KIRREL1: variants seen among roughly 807,000 people sequenced by gnomAD.
The protein encoded by KIRREL1 is kirre like nephrin family adhesion molecule 1.
KIRREL1 carries 25 observed loss-of-function variants against 83.3 expected under a neutral mutation model. That is an observed-to-expected ratio of 0.30 (90% CI 0.22 to 0.42). KIRREL1 has a LOEUF of 0.42. Ranked by LOEUF, KIRREL1 falls within the 10% of genes least tolerant of loss-of-function variation. The pLI, the probability that KIRREL1 is intolerant of heterozygous loss-of-function variation, is 1.00. For missense variants in KIRREL1, 812 were observed against 1,032.3 expected (o/e 0.79, Z 2.92); for synonymous variants, 388 against 410.4 (o/e 0.95, Z 0.66).
At chr1:158,012,247 A>G (rs1431463921) in intron 1 of KIRREL1, among the ~76,000 whole-genome samples, 1 of 152,082 alleles carries the variant, frequency 6.6e-6, no homozygotes, top group Non-Finnish European at 1.5e-5. Flanking sequence ...TGGTTTATTC[A>G]GTAGTAAAAT....
chr1:158,040,092 T>A (rs10796990), intron 1 of KIRREL1, among the ~76,000 whole-genome samples: 10 of 152,104 alleles, frequency 6.6e-5, no homozygotes, highest in East Asian at 1.9e-4. Context: ...AAATTGTTGC[T>A]TTCCTTCATT....
chr1:158,095,177 G>C lies in KIRREL1; in HGVS notation c.*57G>C, dbSNP rs955754789. On this transcript the variant is annotated 3_prime_UTR_variant, in exon 15 of 15. Transcript: ENST00000359209. ...GGCAGAGGAGAAGGCTTTCACAGCT[G>C]TTCCCTGATATTCAGGGGCATTGCT... The C allele has an allele frequency of 2.4e-6, 3 of 1,245,360 alleles. No homozygotes were observed. Among genetic ancestry groups the C allele is most frequent in the African/African-American group, 1.5e-5 (1 of 67,200 alleles). The allele number at this position is 1,245,360 out of a possible 1,614,324, so 77.1% of individuals were successfully genotyped here. A position where few individuals can be genotyped will look rare whatever the true frequency, so the allele number is the denominator to read the frequency against.
At chr1:158,090,035 A>G (rs1189070525) in intron 10 of KIRREL1, among the ~76,000 whole-genome samples, 1 of 151,710 alleles carries the variant, frequency 6.6e-6, no homozygotes, top group African/African-American at 2.4e-5. Context: ...AATGTTTTGA[A>G]CCTCGGTTTA....
At chr1:158,021,693 T>C (rs1290163352) in intron 1 of KIRREL1, among the ~76,000 whole-genome samples, 2 of 152,204 alleles carry the variant, frequency 1.3e-5, no homozygotes, top group Non-Finnish European at 2.9e-5. Context: ...TCAGTCTCCC[T>C]CCCTTTCCTG....
intron 1 of KIRREL1, among the ~76,000 whole-genome samples, chr1:158,011,458 A>C (rs996508291): frequency 6.6e-6 from 1 of 152,212 alleles, no homozygotes; most frequent in African/African-American, 2.4e-5. Context: ...GGAAGCTGGG[A>C]GAAGCCTAGC....
At chr1:158,007,701 C>T (rs1320489) in intron 1 of KIRREL1, among the ~76,000 whole-genome samples, 35,747 of 151,666 alleles carry the variant, frequency 0.24, 5,618 homozygotes, top group Non-Finnish European at 0.35. Context: ...TTGTGGGCAG[C>T]CTGGGTTTGC....
At chr1:157,996,436 G>C (rs568833385) in intron 1 of KIRREL1, among the ~76,000 whole-genome samples, 1 of 152,050 alleles carries the variant, frequency 6.6e-6, no homozygotes, top group Non-Finnish European at 1.5e-5. Flanking sequence ...AGGCCGGCTC[G>C]GGGAGGGAGC....
chr1:158,071,571 C>G (rs926794176), intron 1 of KIRREL1, among the ~76,000 whole-genome samples: 2 of 152,234 alleles, frequency 1.3e-5, no homozygotes, highest in Admixed American at 1.3e-4. Context: ...GAATTTGACC[C>G]AGCAATGGTC....
chr1:158,050,557 G>A (rs955050950), intron 1 of KIRREL1, among the ~76,000 whole-genome samples: 2 of 152,126 alleles, frequency 1.3e-5, no homozygotes, highest in Non-Finnish European at 2.9e-5. Context: ...ATTAGAATGT[G>A]CCCATTAAAG....
intron 1 of KIRREL1, among the ~76,000 whole-genome samples, chr1:158,038,779 T>C (rs1375120784): frequency 6.6e-6 from 1 of 152,140 alleles, no homozygotes; most frequent in Non-Finnish European, 1.5e-5. Context: ...AAAGAAACAG[T>C]AGACTTGCCC....
At position 158,080,951 on chromosome 1, in the gene KIRREL1, C is replaced by T. The variant is rs759482369; in HGVS notation, c.352+2811C>T. On this transcript the variant is annotated intron_variant, in intron 3 of 14. Transcript: ENST00000359209. ...GGGCAGAAATGAGGAGTGGGCTGTG[C>T]CCAGTGCCTGGTATCAGCCTCCCTG... 5.5e-5 allele frequency among the ~76,000 whole-genome samples: 8 copies of T among 144,942 alleles called. 1 individual carries two copies. The highest frequency in any genetic ancestry group is 1.1e-4 in the Non-Finnish European group (7 of 64,110).
At chr1:158,051,295 A>G (rs955452503) in intron 1 of KIRREL1, among the ~76,000 whole-genome samples, 2 of 152,142 alleles carry the variant, frequency 1.3e-5, no homozygotes, top group Non-Finnish European at 2.9e-5. Flanking sequence ...TCCTGAAGCA[A>G]GGGCAGATAC....
chr1:158,096,369 CTT>C lies in KIRREL1; in HGVS notation c.*1260_*1261del, dbSNP rs946234511. ...GAGACAGGTTTTGGTTTTTAAGTGTCTTTTTTTTTTTTCTTGGACCAATCAGA... is the reference window on the plus strand; with the variant it reads ...GAGACAGGTTTTGGTTTTTAAGTGTCTTTTTTTTTTCTTGGACCAATCAGA... On this transcript the variant is annotated 3_prime_UTR_variant, in exon 15 of 15. Coordinates refer to ENST00000359209, the MANE Select transcript of KIRREL1 (RefSeq NM_018240.7). 159 of 299,764 alleles carry C rather than the reference CTT, an allele frequency of 5.3e-4. No individual in the cohort carries two copies. Among genetic ancestry groups the C allele is most frequent in the African/African-American group, 1.3e-3 (59 of 44,130 alleles). The allele number at this position is 299,764 out of a possible 1,614,324, so 18.6% of individuals were successfully genotyped here. A position where few individuals can be genotyped will look rare whatever the true frequency, so the allele number is the denominator to read the frequency against.
At position 158,039,396 on chromosome 1, in the gene KIRREL1, T is replaced by C. The variant is rs566803886; in HGVS notation, c.53-36717T>C. Among the ~76,000 whole-genome samples, 10 of 152,322 alleles carry C rather than the reference T, an allele frequency of 6.6e-5. No individual in the cohort carries two copies. In the South Asian group the frequency reaches 2.1e-3, roughly 32 times the overall value. On this transcript the variant is annotated intron_variant, in intron 1 of 14. Coordinates refer to ENST00000359209, the MANE Select transcript of KIRREL1 (RefSeq NM_018240.7). ...GGATGCATGGCATGTGCTGTTTGCTTCCTTTATGGCCCCTCATTCCCACCA... is the reference window on the plus strand; with the variant it reads ...GGATGCATGGCATGTGCTGTTTGCTCCCTTTATGGCCCCTCATTCCCACCA...
At chr1:158,058,124 CG>C (rs935441280) in intron 1 of KIRREL1, among the ~76,000 whole-genome samples, 3 of 152,128 alleles carry the variant, frequency 2.0e-5, no homozygotes, top group Non-Finnish European at 4.4e-5. Flanking sequence ...CTGTGGCCTG[CG>C]GGTCTGGTCC....
rs1399097648 is a variant in KIRREL1 at position 158,091,350 on chromosome 1, C to T, written c.1273-8C>T. 3 of 1,612,030 alleles carry T rather than the reference C, an allele frequency of 1.9e-6. No individual in the cohort carries two copies. Among genetic ancestry groups the T allele is most frequent in the Admixed American group, 3.3e-5 (2 of 59,950 alleles). ...TTTCTTACCTTCTTCCTTCCCTCTC[C>T]ACCACAGGCATGGGCCTGGAAGGAG... On this transcript the variant is annotated splice_region_variant and splice_polypyrimidine_tract_variant and intron_variant, in intron 10 of 14. Coordinates refer to ENST00000359209, the MANE Select transcript of KIRREL1 (RefSeq NM_018240.7).
chr1:158,083,143 T>G (rs1661912840), intron 3 of KIRREL1, among the ~76,000 whole-genome samples: 1 of 152,216 alleles, frequency 6.6e-6, no homozygotes, highest in Admixed American at 6.5e-5. Context: ...AGAGCCCCCC[T>G]TGTTTGCAAC....
At chr1:158,037,943 A>G (rs1660520841) in intron 1 of KIRREL1, among the ~76,000 whole-genome samples, 1 of 152,184 alleles carries the variant, frequency 6.6e-6, no homozygotes, top group Admixed American at 6.5e-5. Flanking sequence ...CCTGCGACTC[A>G]TAACTATTTC....
intron 1 of KIRREL1, among the ~76,000 whole-genome samples, chr1:158,005,974 A>G (rs989404386): frequency 6.6e-6 from 1 of 152,154 alleles, no homozygotes. Flanking sequence ...ACTGGGGGAA[A>G]CAGGATCTCC....
Sources: allele counts gnomAD v4.1 joint callset (sites outside exome capture counted in the v4.1 genomes callset), GRCh38; gene constraint gnomAD v4.1.1; transcripts MANE v1.5; gene names NCBI Gene and HGNC (gene_info 2026-07-23, HGNC 2026-07-21).